CPVL: variants seen among roughly 807,000 people sequenced by gnomAD.
CPVL encodes carboxypeptidase vitellogenic like.
A neutral mutation model predicts 63.7 loss-of-function variants in CPVL; 51 were observed. That is an observed-to-expected ratio of 0.80 (90% CI 0.64 to 1.01). CPVL has a LOEUF of 1.01. Ranked by LOEUF, CPVL falls within the 50% of genes least tolerant of loss-of-function variation. The pLI, the probability that CPVL is intolerant of heterozygous loss-of-function variation, is 0.00. For synonymous variants in CPVL, 195 were observed against 206.0 expected (o/e 0.95, Z 0.46); for missense variants, 530 against 573.1 (o/e 0.92, Z 0.77).
At chr7:29,107,311 G>T (rs1787812653) in intron 3 of CPVL, among the ~76,000 whole-genome samples, 1 of 152,238 alleles carries the variant, frequency 6.6e-6, no homozygotes, top group Non-Finnish European at 1.5e-5. Flanking sequence ...GAACTAGCCT[G>T]AAGGCTGGCT....
intron 5 of CPVL, among the ~76,000 whole-genome samples, chr7:29,166,789 A>G (rs1795976786): frequency 6.6e-6 from 1 of 151,964 alleles, no homozygotes; most frequent in Non-Finnish European, 1.5e-5. Flanking sequence ...TCACTCACTG[A>G]TCTCAAAAAA....
chr7:29,121,857 AG>A (rs1213488702), intron 1 of CPVL, among the ~76,000 whole-genome samples: 3 of 152,172 alleles, frequency 2.0e-5, no homozygotes, highest in Admixed American at 2.0e-4. Flanking sequence ...AAAAACAGGA[AG>A]GAAGAAAGAA....
At chr7:29,087,690 C>G (rs1490829912) in intron 6 of CPVL, among the ~76,000 whole-genome samples, 1 of 152,150 alleles carries the variant, frequency 6.6e-6, no homozygotes, top group Non-Finnish European at 1.5e-5. Context: ...AGCCATGAAC[C>G]ATCCAGGAAG....
intron 1 of CPVL, among the ~76,000 whole-genome samples, chr7:29,130,130 C>G (rs965175447): frequency 1.3e-5 from 2 of 152,142 alleles, no homozygotes; most frequent in African/African-American, 4.8e-5. Context: ...CCCTAGGAAA[C>G]TAATACATGA....
intron 4 of CPVL, among the ~76,000 whole-genome samples, chr7:29,095,848 C>T (rs139431139): frequency 9.5e-4 from 144 of 152,256 alleles, no homozygotes; most frequent in African/African-American, 3.4e-3. Flanking sequence ...ACCCAGAATG[C>T]TTGAGTCAGC....
At chr7:29,137,512 G>C (rs1791366605) in intron 1 of CPVL, among the ~76,000 whole-genome samples, 1 of 152,166 alleles carries the variant, frequency 6.6e-6, no homozygotes, top group African/African-American at 2.4e-5. Flanking sequence ...GAAAGGAAAA[G>C]GGAAGACGGA....
rs371449128 is a variant in CPVL at position 29,063,164 on chromosome 7, G to A, written c.1137+897C>T. Among the ~76,000 whole-genome samples the A allele has an allele frequency of 1.4e-4, 22 of 152,170 alleles. 2 individuals are homozygous for A. In the East Asian group the frequency reaches 2.3e-3, roughly 16 times the overall value. The stretch of plus-strand genomic sequence containing the variant: ...TGAACCTCCAGGGCTCCTTTTCTGT[G>A]ACCTCACTCTCCACTGGCACCTCCA... On this transcript the variant is annotated intron_variant, in intron 11 of 12. Transcript: ENST00000265394.
Position 29,187,339 on chromosome 7 carries a change from G to T in CPVL, c.-447-792C>A, listed in dbSNP as rs547628876. Among the ~76,000 whole-genome samples, 5 of 150,094 alleles carry T rather than the reference G, an allele frequency of 3.3e-5. No homozygotes were observed. In the East Asian group the frequency reaches 6.1e-4, roughly 18 times the overall value. ...TTATCATCTAGTGGTGTGTGTGTTT[G>T]TGTGTCTGTGTGTGTGTGTGTGTGT... is the stretch of plus-strand genomic sequence containing the variant. On this transcript the variant is annotated intron_variant, in intron 1 of 16. Transcript: ENST00000409850.
At chr7:29,162,713 G>A (rs575684701) in intron 5 of CPVL, among the ~76,000 whole-genome samples, 3 of 150,448 alleles carry the variant, frequency 2.0e-5, no homozygotes, top group South Asian at 4.2e-4. Context: ...AGCCAGTCTC[G>A]AAGGATTACA....
At chr7:29,076,806 A>G (rs1784292369) in intron 7 of CPVL, among the ~76,000 whole-genome samples, 2 of 152,236 alleles carry the variant, frequency 1.3e-5, no homozygotes, top group Non-Finnish European at 2.9e-5. Flanking sequence ...GAAGGATCTC[A>G]GAATTCAGCT....
At chr7:29,100,167 C>T (rs1373456036) in intron 3 of CPVL, among the ~76,000 whole-genome samples, 1 of 152,184 alleles carries the variant, frequency 6.6e-6, no homozygotes, top group Non-Finnish European at 1.5e-5. Flanking sequence ...TCTTCCCAGC[C>T]TCCCAGGGAG....
At chr7:29,006,092 C>T (rs1785165138) in intron 12 of CPVL, among the ~76,000 whole-genome samples, 1 of 152,206 alleles carries the variant, frequency 6.6e-6, no homozygotes, top group Non-Finnish European at 1.5e-5. Context: ...CAAGATAGTT[C>T]TAGCAGCAGT....
intron 1 of CPVL, 88 bp downstream of exon 1, chr7:29,146,341 C>A: frequency 2.0e-6 from 1 of 509,588 alleles, no homozygotes; most frequent in Non-Finnish European, 3.4e-6. Flanking sequence ...TTGAGACTAC[C>A]TGCCCCGCGC....
chr7:29,035,575 G>C (rs1383872329), intron 11 of CPVL, among the ~76,000 whole-genome samples: 1 of 152,150 alleles, frequency 6.6e-6, no homozygotes, highest in Non-Finnish European at 1.5e-5. Context: ...CAGTTGGTGG[G>C]GAGTGGCCTT....
intron 11 of CPVL, among the ~76,000 whole-genome samples, chr7:29,035,699 C>T (rs1788463264): frequency 6.6e-6 from 1 of 152,224 alleles, no homozygotes; most frequent in African/African-American, 2.4e-5. Flanking sequence ...TGGACAATTA[C>T]AGGGTATGGA....
At chr7:29,064,377 A>C (rs1030474279) in intron 10 of CPVL, 143 bp from the exon 11 acceptor site, 5 of 516,988 alleles carry the variant, frequency 9.7e-6, no homozygotes, top group Non-Finnish European at 1.7e-5. Flanking sequence ...TTGAAATTTT[A>C]ACTCGGAGGT....
At chr7:29,171,088 G>GAGAT (rs2128724846) in intron 5 of CPVL, among the ~76,000 whole-genome samples, 1 of 152,266 alleles carries the variant, frequency 6.6e-6, no homozygotes, top group South Asian at 2.1e-4. Context: ...ACGACTTTAT[G>GAGAT]AGATGTGTCA....
intron 3 of CPVL, among the ~76,000 whole-genome samples, chr7:29,103,792 C>T (rs908155131): frequency 1.4e-4 from 22 of 152,214 alleles, no homozygotes; most frequent in African/African-American, 4.1e-4. Context: ...ATCAATGGCA[C>T]TGCTTAAGAT....
chr7:29,043,457 C>G (rs1472379493), intron 11 of CPVL, among the ~76,000 whole-genome samples: 1 of 152,126 alleles, frequency 6.6e-6, no homozygotes, highest in African/African-American at 2.4e-5. Flanking sequence ...TTTCCCTTTT[C>G]TTTCCAGAGA....
Sources: gnomAD v4.1 joint callset for allele counts (sites outside exome capture counted in the v4.1 genomes callset) on GRCh38, gnomAD v4.1.1 for gene constraint, MANE v1.5 for transcripts, NCBI Gene and HGNC (gene_info 2026-07-23, HGNC 2026-07-21) for gene names.